ADAM28: variants seen among roughly 807,000 people sequenced by gnomAD.
The protein encoded by ADAM28 is ADAM metallopeptidase domain 28, also known as disintegrin and metalloproteinase domain-containing protein 28.
ADAM28 carries 105 observed loss-of-function variants against 101.2 expected under a neutral mutation model. The ratio of observed to expected loss-of-function variants is 1.04; its 90% CI spans 0.89 to 1.22. The LOEUF (loss-of-function observed/expected upper bound fraction) is 1.22, where lower values mean the gene tolerates loss of function less well. ADAM28 is among the 50% of genes most tolerant of loss of function. The probability of loss-of-function intolerance (pLI) is 0.00; values close to 1 mark genes in which losing one functional copy is unlikely to be tolerated. For missense variants in ADAM28, 1,028 were observed against 945.4 expected, an observed-to-expected ratio of 1.09 and a Z score of -1.15; for synonymous variants, 322 against 310.6, an observed-to-expected ratio of 1.04 and a Z score of -0.39.
At chr8:24,314,783 A>C (rs1810940819) in intron 6 of ADAM28, among the ~76,000 whole-genome samples, 1 of 151,746 alleles carries the variant, frequency 6.6e-6, no homozygotes, top group Non-Finnish European at 1.5e-5. Flanking sequence ...TAAAATATGT[A>C]TATTGTGACA....
At chr8:24,350,840 C>G (rs141053826) in intron 19 of ADAM28, among the ~76,000 whole-genome samples, 1 of 146,528 alleles carries the variant, frequency 6.8e-6, no homozygotes, top group African/African-American at 2.5e-5. Context: ...GTTTGTCTCA[C>G]GAACGTGATT....
chr8:24,341,865 G>C (rs1431369249), intron 16 of ADAM28, 108 bp downstream of exon 16: 6 of 1,402,178 alleles, frequency 4.3e-6, no homozygotes, highest in Non-Finnish European at 5.9e-6. Flanking sequence ...CGATTTTGGG[G>C]TTCGCCATGC....
intron 15 of ADAM28, 80 bp downstream of exon 15, chr8:24,339,648 C>A (rs1417972262): frequency 2.4e-6 from 3 of 1,226,350 alleles, no homozygotes; most frequent in Non-Finnish European, 3.5e-6. Flanking sequence ...TGATTTATTC[C>A]AGTTAAAGGG....
At chr8:24,296,194 A>T (rs2129226829) in intron 1 of ADAM28, 1 of 152,334 alleles carries the variant, frequency 6.6e-6, no homozygotes, top group South Asian at 2.1e-4. Context: ...GCACTTTTTG[A>T]AATTATTTTA....
chr8:24,334,942 T>C (rs1813820175), intron 13 of ADAM28, among the ~76,000 whole-genome samples: 1 of 152,120 alleles, frequency 6.6e-6, no homozygotes, highest in South Asian at 2.1e-4. Flanking sequence ...TGAAAGGAAA[T>C]AGCTGAACCT....
intron 10 of ADAM28, among the ~76,000 whole-genome samples, chr8:24,328,043 C>A (rs1484567509): frequency 1.3e-5 from 2 of 151,986 alleles, no homozygotes; most frequent in Non-Finnish European, 2.9e-5. Context: ...TGCACTTGTA[C>A]CTGTGAACTT....
At chr8:24,334,746 G>A (rs569093507) in intron 13 of ADAM28, among the ~76,000 whole-genome samples, 2 of 152,244 alleles carry the variant, frequency 1.3e-5, no homozygotes, top group East Asian at 3.9e-4. Flanking sequence ...GCTCCTGTTA[G>A]GAAGGAAAAC....
intron 1 of ADAM28, 84 bp from the exon 2 acceptor site, chr8:24,299,890 T>C (rs922064427): frequency 2.0e-5 from 19 of 947,720 alleles, no homozygotes; most frequent in East Asian, 7.2e-5. Context: ...GCATCGTTCA[T>C]TGGGAATGCA....
chr8:24,330,228 A>G (rs1813193276), intron 11 of ADAM28, 113 bp downstream of exon 11: 1 of 1,339,808 alleles, frequency 7.5e-7, no homozygotes, highest in Non-Finnish European at 1.0e-6. Flanking sequence ...GAGTCACTAA[A>G]TGTGCATTTG....
chr8:24,333,437 C>T (rs1181285518), intron 13 of ADAM28, among the ~76,000 whole-genome samples: 1 of 152,134 alleles, frequency 6.6e-6, no homozygotes, highest in Non-Finnish European at 1.5e-5. Context: ...TTTGTGGGCA[C>T]ATAGGTGTAC....
chr8:24,313,582 T>G lies in ADAM28; in HGVS notation c.576+2T>G, dbSNP rs1810762174. The G allele has an allele frequency of 6.2e-7, 1 of 1,612,516 alleles. No individual in the cohort carries two copies. Among genetic ancestry groups the G allele is most frequent in the Non-Finnish European group, 8.5e-7 (1 of 1,179,280 alleles). ...GCCCTACCTGCCACCAAACTAGTAG[T>G]ATGTGTAACTTTATTTATTTGAAAT... On this transcript the variant is annotated splice_donor_variant, in intron 6 of 22. Coordinates refer to ENST00000265769, the MANE Select transcript of ADAM28 (RefSeq NM_014265.6). LOFTEE classifies it high-confidence loss of function.
In ADAM28 at chr8:24,326,535, A is replaced by G; in HGVS notation, c.891-19A>G. 6.2e-7 allele frequency: 1 copy of G among 1,608,328 alleles called. No individual in the cohort carries two copies. On this transcript the variant is annotated intron_variant, in intron 9 of 22. Transcript: ENST00000265769. Reference sequence around the variant, plus strand: ...CTTAGCATTATAATTTGTTACATCAATTTATTCCTTTCTTGCAGAGCAACA... The same window carrying G: ...CTTAGCATTATAATTTGTTACATCAGTTTATTCCTTTCTTGCAGAGCAACA...
intron 4 of ADAM28, among the ~76,000 whole-genome samples, chr8:24,310,981 G>GA (rs773496225): frequency 2.9e-4 from 44 of 152,124 alleles, no homozygotes; most frequent in Admixed American, 5.9e-4. Flanking sequence ...CTATCCTTTG[G>GA]AAAAAAGCTT....
intron 2 of ADAM28, chr8:24,308,719 T>C: frequency 2.2e-6 from 1 of 456,188 alleles, no homozygotes; most frequent in Non-Finnish European, 4.4e-6. Context: ...ATTTATAGCC[T>C]GGGATTACTG....
chr8:24,323,113 G>A (rs1419719793), intron 8 of ADAM28, among the ~76,000 whole-genome samples: 1 of 151,904 alleles, frequency 6.6e-6, no homozygotes, highest in African/African-American at 2.4e-5. Flanking sequence ...TCAAGATTTG[G>A]TTTCTGGTGA....
chr8:24,314,891 A>G (rs1022109227), intron 6 of ADAM28, among the ~76,000 whole-genome samples: 1 of 151,208 alleles, frequency 6.6e-6, no homozygotes, highest in Non-Finnish European at 1.5e-5. Flanking sequence ...CATTACAACT[A>G]TAAGATGTTT....
chr8:24,341,606 T>G lies in ADAM28; in HGVS notation c.1679T>G (p.Met560Arg). The G allele has an allele frequency of 6.2e-7, 1 of 1,613,074 alleles. No individual in the cohort carries two copies. Among genetic ancestry groups the G allele is most frequent in the Non-Finnish European group, 8.5e-7 (1 of 1,179,378 alleles). The change falls in exon 16 of 23, where the codon ATG becomes AGG. Residue 560 changes from methionine to arginine, a missense_variant. Met to Arg is a moderately conservative substitution (Grantham distance 91, BLOSUM62 -1). Transcript: ENST00000265769. ...TTTGGCTTTTTCCTCAGTGATACCA[T>G]GTGTGGGAAGTTGTTCTGTCAAGGT... Reference protein sequence around the residue: ...TLIPCKANDTMCGKLFCQGGS... With the variant: ...TLIPCKANDTRCGKLFCQGGS...
Position 24,354,270 on chromosome 8 carries a change from A to G in ADAM28, c.2308-114A>G, listed in dbSNP as rs1015245490. The G allele has an allele frequency of 1.8e-5, 17 of 924,154 alleles. No homozygotes were observed. In the South Asian group the frequency reaches 2.5e-4, roughly 14 times the overall value. 57.2% of individuals were successfully genotyped at this position (924,154 alleles called of 1,614,324 possible). A position where few individuals can be genotyped will look rare whatever the true frequency, so the allele number is the denominator to read the frequency against. On this transcript the variant is annotated intron_variant, in intron 22 of 22. Transcript: ENST00000265769. The stretch of plus-strand genomic sequence containing the variant: ...TCGTTTTTGCTGTATCAAGTGACCT[A>G]TGAAATAGAAACTGACTTCAGATAA...
At chr8:24,323,248 G>A (rs543213224) in intron 8 of ADAM28, among the ~76,000 whole-genome samples, 10 of 151,792 alleles carry the variant, frequency 6.6e-5, no homozygotes, top group East Asian at 1.9e-4. Flanking sequence ...CTCCACTCTC[G>A]TGACCTAATC....
Sources: gnomAD v4.1 joint callset for allele counts (sites outside exome capture counted in the v4.1 genomes callset) on GRCh38, gnomAD v4.1.1 for gene constraint, MANE v1.5 for transcripts, NCBI Gene and HGNC (gene_info 2026-07-23, HGNC 2026-07-21) for gene names.